Variants in ELMOD1 observed in about 807,000 individuals in gnomAD.
The protein encoded by ELMOD1 is ELMO domain-containing protein 1.
Under a neutral mutation model 46.7 loss-of-function variants are expected in ELMOD1, and 21 were observed. The observed-to-expected ratio is 0.45, with a 90% CI of 0.32 to 0.65. The LOEUF (loss-of-function observed/expected upper bound fraction) is 0.65, where lower values mean the gene tolerates loss of function less well. Among genes scored for constraint, ELMOD1 ranks in the 30% least tolerant of loss-of-function variants. The pLI is 0.04. For synonymous variants in ELMOD1, 122 were observed against 138.2 expected (o/e 0.88, Z 0.82); for missense variants, 348 against 407.8 (o/e 0.85, Z 1.26).
chr11:107,641,157 T>C (rs1866315751), intron 6 of ELMOD1, among the ~76,000 whole-genome samples: 1 of 152,078 alleles, frequency 6.6e-6, no homozygotes, highest in African/African-American at 2.4e-5. Flanking sequence ...CCAGGCGTGG[T>C]GGTGCACACC....
chr11:107,635,742 C>T lies in ELMOD1; in HGVS notation c.397C>T (p.Gln133Ter), dbSNP rs1866218749. The T allele has an allele frequency of 3.1e-6, 5 of 1,613,778 alleles. No homozygotes were observed. The highest frequency in any genetic ancestry group is 4.2e-6 in the Non-Finnish European group (5 of 1,179,786). Residue 133 changes from glutamine (Q) to a stop codon, truncating the protein, a stop_gained, in exon 6 of 12, where the codon CAA becomes TAA. Transcript: ENST00000265840. LOFTEE classifies it high-confidence loss of function. ...AGAGGCCTATGATTCTGATAATCCC[C>T]AACATGAAGAAATGCTTTTGAAGGT... is the stretch of plus-strand genomic sequence containing the variant. ...RREAYDSDNP[Q>*]HEEMLLKLWK... is the part of the protein sequence containing the mutation.
chr11:107,660,414 C>G (rs754476946), intron 11 of ELMOD1, among the ~76,000 whole-genome samples: 1 of 152,190 alleles, frequency 6.6e-6, no homozygotes, highest in East Asian at 1.9e-4. Flanking sequence ...GTCTAAAGCT[C>G]CACTGAACAC....
At chr11:107,626,660 C>CTTTCCCTCCCTCTTTCTTTCTT (rs148641048) in intron 2 of ELMOD1, among the ~76,000 whole-genome samples, 1 of 125,316 alleles carries the variant, frequency 8.0e-6, no homozygotes, top group African/African-American at 3.9e-5. Flanking sequence ...CTTTCTTTTT[C>CTTTCCCTCCCTCTTTCTTTCTT]TTTCTTTCTT....
At chr11:107,626,542 CCTTCCCTCCTGTCCCCCA>C (rs1866044288) in intron 2 of ELMOD1, among the ~76,000 whole-genome samples, 1 of 151,004 alleles carries the variant, frequency 6.6e-6, no homozygotes, top group Non-Finnish European at 1.5e-5. Context: ...CCTGTCCCTC[CCTTCCCTCCTGTCCCCCA>C]CTTCCCCTTC....
At chr11:107,601,061 A>G (rs1591099313) in intron 1 of ELMOD1, among the ~76,000 whole-genome samples, 1 of 152,176 alleles carries the variant, frequency 6.6e-6, no homozygotes, top group Non-Finnish European at 1.5e-5. Flanking sequence ...TACAAGACTT[A>G]TAATGGAAAA....
At chr11:107,664,399 G>A (rs1277300541) in intron 11 of ELMOD1, among the ~76,000 whole-genome samples, 1 of 152,126 alleles carries the variant, frequency 6.6e-6, no homozygotes, top group African/African-American at 2.4e-5. Context: ...TCCCCAAATT[G>A]TTTCAATCCA....
intron 6 of ELMOD1, among the ~76,000 whole-genome samples, chr11:107,644,099 C>T (rs375164178): frequency 2.0e-5 from 3 of 151,886 alleles, no homozygotes; most frequent in African/African-American, 7.3e-5. Context: ...ATGGCGAAAC[C>T]CTGTCTCTAC....
At chr11:107,600,263 C>T (rs1271886544) in intron 1 of ELMOD1, 1 of 149,558 alleles carries the variant, frequency 6.7e-6, no homozygotes, top group Non-Finnish European at 1.5e-5. Flanking sequence ...AAAAATATAC[C>T]CCTGGAAAAA....
rs944400631 is a variant in ELMOD1 at position 107,665,329 on chromosome 11, T to C, written c.*132T>C. The C allele has an allele frequency of 2.7e-5, 25 of 925,498 alleles. No homozygotes were observed. The highest frequency in any genetic ancestry group is 4.1e-5 in the Non-Finnish European group (25 of 613,934). 57.3% of individuals were successfully genotyped at this position (925,498 alleles called of 1,614,324 possible). A position where few individuals can be genotyped will look rare whatever the true frequency, so the allele number is the denominator to read the frequency against. On this transcript the variant is annotated 3_prime_UTR_variant, in exon 12 of 12. Transcript: ENST00000265840. The stretch of plus-strand genomic sequence containing the variant: ...CATGCCTTTTGGTACAGTGTTTTCA[T>C]CTCTTGGTCATAATTCCGAGATCCC...
intron 5 of ELMOD1, 129 bp from the exon 6 acceptor site, chr11:107,635,507 C>A (rs1866213408): frequency 3.3e-6 from 3 of 913,860 alleles, no homozygotes; most frequent in African/African-American, 3.4e-5. Context: ...TTAAATAGAT[C>A]ATCTTTGAGC....
chr11:107,601,854 G>A (rs1444436220), intron 1 of ELMOD1, among the ~76,000 whole-genome samples: 2 of 149,708 alleles, frequency 1.3e-5, no homozygotes, highest in Admixed American at 1.3e-4. Context: ...GTTTTTTTTT[G>A]AAGACATCTT....
At chr11:107,627,726 GCT>G (rs941480613) in intron 2 of ELMOD1, among the ~76,000 whole-genome samples, 1 of 152,126 alleles carries the variant, frequency 6.6e-6, no homozygotes, top group African/African-American at 2.4e-5. Context: ...CTTAATTTAA[GCT>G]CTGTTTGATG....
intron 1 of ELMOD1, among the ~76,000 whole-genome samples, chr11:107,617,489 A>C (rs1473288429): frequency 3.9e-5 from 6 of 152,204 alleles, no homozygotes; most frequent in Admixed American, 3.9e-4. Context: ...GAAGGCTGAT[A>C]ACCTGATGTA....
intron 6 of ELMOD1, among the ~76,000 whole-genome samples, chr11:107,646,778 T>C (rs1320501218): frequency 1.3e-5 from 2 of 152,024 alleles, no homozygotes; most frequent in African/African-American, 4.8e-5. Flanking sequence ...ACTTTTTTTT[T>C]TTTTTGGTTA....
intron 6 of ELMOD1, among the ~76,000 whole-genome samples, chr11:107,637,136 A>ATAT (rs1475320393): frequency 6.6e-6 from 1 of 152,244 alleles, no homozygotes; most frequent in Non-Finnish European, 1.5e-5. Flanking sequence ...GAGAACTTGT[A>ATAT]TATGACTTTT....
intron 11 of ELMOD1, among the ~76,000 whole-genome samples, chr11:107,662,975 T>C (rs1702883706): frequency 6.7e-6 from 1 of 149,706 alleles, no homozygotes; most frequent in African/African-American, 2.4e-5. Flanking sequence ...GTGATCCTCC[T>C]GCCTTGGCTT....
chr11:107,604,006 G>A (rs1865647276), intron 1 of ELMOD1, among the ~76,000 whole-genome samples: 1 of 152,182 alleles, frequency 6.6e-6, no homozygotes, highest in Non-Finnish European at 1.5e-5. Context: ...CTTTTAAGAA[G>A]CAGCTTTGCA....
intron 1 of ELMOD1, among the ~76,000 whole-genome samples, chr11:107,595,438 A>G (rs1485955364): frequency 2.0e-5 from 3 of 152,178 alleles, no homozygotes; most frequent in Non-Finnish European, 4.4e-5. Context: ...ATAAAAAAAT[A>G]TGATCAAGAA....
At chr11:107,629,679 ACTTT>A (rs1866102972) in intron 2 of ELMOD1, among the ~76,000 whole-genome samples, 1 of 152,194 alleles carries the variant, frequency 6.6e-6, no homozygotes, top group Non-Finnish European at 1.5e-5. Context: ...AGTAAAGAAA[ACTTT>A]CTTTAGCAAG....
Sources: gnomAD v4.1 joint callset for allele counts (sites outside exome capture counted in the v4.1 genomes callset) on GRCh38, gnomAD v4.1.1 for gene constraint, MANE v1.5 for transcripts, NCBI Gene and HGNC (gene_info 2026-07-23, HGNC 2026-07-21) for gene names.